Variants in EVA1C observed in about 807,000 individuals in gnomAD.
EVA1C encodes protein eva-1 homolog C.
EVA1C carries 25 observed loss-of-function variants against 45.4 expected under a neutral mutation model. That is an observed-to-expected ratio of 0.55 (90% CI 0.40 to 0.77). The LOEUF (loss-of-function observed/expected upper bound fraction) is 0.77, where lower values mean the gene tolerates loss of function less well. Among genes scored for constraint, EVA1C ranks in the 30% least tolerant of loss-of-function variants. The probability of loss-of-function intolerance (pLI) is 0.00; values close to 1 mark genes in which losing one functional copy is unlikely to be tolerated. For synonymous variants in EVA1C, 190 were observed against 221.2 expected (o/e 0.86, Z 1.25); for missense variants, 479 against 554.8 (o/e 0.86, Z 1.37).
chr21:32,460,340 CA>C (rs1344311546), intron 3 of EVA1C, among the ~76,000 whole-genome samples: 1 of 152,162 alleles, frequency 6.6e-6, no homozygotes, highest in African/African-American at 2.4e-5. Context: ...AAAACAACAA[CA>C]AAAAACATCT....
At chr21:32,492,122 T>C (rs1240383454) in intron 4 of EVA1C, among the ~76,000 whole-genome samples, 5 of 152,100 alleles carry the variant, frequency 3.3e-5, no homozygotes, top group Non-Finnish European at 7.4e-5. Flanking sequence ...TTACTCTGGG[T>C]GGGCAGGCCT....
chr21:32,440,506 A>C (rs1314119033), intron 1 of EVA1C, among the ~76,000 whole-genome samples: 2 of 152,216 alleles, frequency 1.3e-5, no homozygotes, highest in African/African-American at 4.8e-5. Context: ...AGAAGTTTCT[A>C]CCAGTCCTGT....
intron 1 of EVA1C, among the ~76,000 whole-genome samples, chr21:32,423,668 C>T (rs536529750): frequency 1.3e-4 from 19 of 151,988 alleles, no homozygotes; most frequent in South Asian, 6.2e-4. Flanking sequence ...ATGTTCTCTC[C>T]GACACCTGTA....
intron 1 of EVA1C, among the ~76,000 whole-genome samples, chr21:32,422,162 A>T (rs1171026675): frequency 4.6e-5 from 7 of 152,194 alleles, no homozygotes; most frequent in Admixed American, 4.6e-4. Flanking sequence ...AGAATCAAAG[A>T]TATCTACTAA....
chr21:32,490,217 A>T (rs971961860), intron 4 of EVA1C, among the ~76,000 whole-genome samples: 1 of 152,004 alleles, frequency 6.6e-6, no homozygotes, highest in Non-Finnish European at 1.5e-5. Flanking sequence ...CAAAACCCAT[A>T]AAACAACTCC....
At chr21:32,470,546 C>T (rs967171862) in intron 4 of EVA1C, among the ~76,000 whole-genome samples, 2 of 152,202 alleles carry the variant, frequency 1.3e-5, no homozygotes, top group African/African-American at 4.8e-5. Flanking sequence ...AGTAAGTTGA[C>T]TTGTGAGCTC....
intron 1 of EVA1C, among the ~76,000 whole-genome samples, chr21:32,444,627 G>A (rs1025348960): frequency 6.6e-6 from 1 of 152,138 alleles, no homozygotes; most frequent in African/African-American, 2.4e-5. Context: ...TTTTATAGAA[G>A]CATCATTACA....
chr21:32,458,728 G>A (rs142881356), intron 3 of EVA1C, among the ~76,000 whole-genome samples: 221 of 152,188 alleles, frequency 1.5e-3, no homozygotes, highest in African/African-American at 4.9e-3. Flanking sequence ...TGATCCACCC[G>A]TCTTGGCCTC....
In EVA1C at chr21:32,515,144, G is replaced by A; in HGVS notation, c.1280G>A (p.Ser427Asn). 6.2e-7 allele frequency: 1 copy of A among 1,612,522 alleles called. No individual in the cohort carries two copies. The highest frequency in any genetic ancestry group is 8.5e-7 in the Non-Finnish European group (1 of 1,178,874). The change falls in exon 8 of 8, where the codon AGT (serine) becomes AAT (asparagine). Residue 427 changes from serine to asparagine, a missense_variant. Transcript: ENST00000300255. ...ATCATTCAGGAAATATGGATGAACAGTGGTTTGGACACCTCGCTCCCAAGA... is the reference window on the plus strand; with the variant it reads ...ATCATTCAGGAAATATGGATGAACAATGGTTTGGACACCTCGCTCCCAAGA... ...EQIIQEIWMN[S>N]GLDTSLPRNM... is the part of the protein sequence containing the mutation.
At chr21:32,468,461 T>TTA (rs886376061) in intron 4 of EVA1C, among the ~76,000 whole-genome samples, 14 of 61,500 alleles carry the variant, frequency 2.3e-4, no homozygotes, top group East Asian at 7.0e-4. Context: ...CAGCTCCCCT[T>TTA]TATATATATA....
chr21:32,470,133 ATGTG>A (rs2036315609), intron 4 of EVA1C, among the ~76,000 whole-genome samples: 1 of 152,218 alleles, frequency 6.6e-6, no homozygotes, highest in Non-Finnish European at 1.5e-5. Context: ...GCTACAATGT[ATGTG>A]TGGATCGCAG....
chr21:32,446,742 C>T (rs2035376654), intron 1 of EVA1C, among the ~76,000 whole-genome samples: 1 of 152,200 alleles, frequency 6.6e-6, no homozygotes. Flanking sequence ...CTGGGAGACG[C>T]CTGGTCCACA....
intron 4 of EVA1C, among the ~76,000 whole-genome samples, chr21:32,480,827 G>A (rs544318210): frequency 5.3e-5 from 8 of 152,144 alleles, no homozygotes; most frequent in East Asian, 3.9e-4. Context: ...GCTGGTCATG[G>A]TGGCAGATGC....
At chr21:32,445,469 G>A (rs1488412981) in intron 1 of EVA1C, among the ~76,000 whole-genome samples, 1 of 152,186 alleles carries the variant, frequency 6.6e-6, no homozygotes, top group Non-Finnish European at 1.5e-5. Flanking sequence ...AGCCGTCTTA[G>A]TTAGGAACCA....
intron 4 of EVA1C, among the ~76,000 whole-genome samples, chr21:32,494,299 A>G (rs1448131465): frequency 6.6e-6 from 1 of 152,228 alleles, no homozygotes; most frequent in Non-Finnish European, 1.5e-5. Flanking sequence ...GAATTAGATG[A>G]TGAACAAAAC....
intron 3 of EVA1C, among the ~76,000 whole-genome samples, chr21:32,462,522 T>C (rs112583031): frequency 0.018 from 2,792 of 152,350 alleles, 76 homozygotes; most frequent in African/African-American, 0.063. Context: ...CTGCCCACCT[T>C]TGAAAGGTGG....
At chr21:32,436,284 G>A (rs181781635) in intron 1 of EVA1C, among the ~76,000 whole-genome samples, 6 of 152,146 alleles carry the variant, frequency 3.9e-5, no homozygotes, top group African/African-American at 7.2e-5. Context: ...GGCTGTTCTC[G>A]AACTCCTCAC....
chr21:32,481,541 G>T (rs2036788250), intron 4 of EVA1C, among the ~76,000 whole-genome samples: 1 of 149,600 alleles, frequency 6.7e-6, no homozygotes, highest in African/African-American at 2.5e-5. Context: ...AAAGTTAAAG[G>T]ATATGTCTTT....
At chr21:32,479,432 C>G (rs2036696777) in intron 4 of EVA1C, among the ~76,000 whole-genome samples, 2 of 151,882 alleles carry the variant, frequency 1.3e-5, no homozygotes, top group South Asian at 4.2e-4. Flanking sequence ...CTGCCCTCCC[C>G]AACCCCCCAG....
Sources: gnomAD v4.1 joint callset for allele counts (sites outside exome capture counted in the v4.1 genomes callset) on GRCh38, gnomAD v4.1.1 for gene constraint, MANE v1.5 for transcripts, NCBI Gene and HGNC (gene_info 2026-07-23, HGNC 2026-07-21) for gene names.